Variants in SCHIP1 observed in about 807,000 individuals in gnomAD.
SCHIP1 encodes the protein schwannomin-interacting protein 1.
SCHIP1 carries 8 observed loss-of-function variants against 29.7 expected under a neutral mutation model. That is an observed-to-expected ratio of 0.27 (90% confidence interval 0.16 to 0.49). The LOEUF (loss-of-function observed/expected upper bound fraction) is 0.49, where lower values mean the gene tolerates loss of function less well. Ranked by LOEUF, SCHIP1 falls within the 20% of genes least tolerant of loss-of-function variation. The probability of loss-of-function intolerance (pLI) is 0.99; values close to 1 mark genes in which losing one functional copy is unlikely to be tolerated. For synonymous variants in SCHIP1, 76 were observed against 94.9 expected (o/e 0.80, Z 1.16); for missense variants, 193 against 294.6 (o/e 0.66, Z 2.52).
At chr3:159,566,850 C>G in the SCHIP1 span, among the ~76,000 whole-genome samples, 3 of 152,192 alleles carry the variant, frequency 2.0e-5, no homozygotes, top group South Asian at 6.2e-4. Flanking sequence ...GATGTGTACC[C>G]AGGAAGTGGC....
chr3:159,623,540 T>G, the SCHIP1 span, among the ~76,000 whole-genome samples: 1 of 152,012 alleles, frequency 6.6e-6, no homozygotes, highest in Non-Finnish European at 1.5e-5. Context: ...GCAAGAGAAT[T>G]GCTTGAACCT....
chr3:159,356,087 G>T, the SCHIP1 span, among the ~76,000 whole-genome samples: 1 of 152,146 alleles, frequency 6.6e-6, no homozygotes, highest in Admixed American at 6.5e-5. Flanking sequence ...CTAGTTTACA[G>T]TCCCACCAAT....
intron 2 of SCHIP1, among the ~76,000 whole-genome samples, chr3:159,878,545 G>A (rs1229438516): frequency 1.3e-5 from 2 of 151,486 alleles, no homozygotes; most frequent in Admixed American, 1.3e-4. Flanking sequence ...TTGGGAGGCC[G>A]AGGCGGGCGA....
chr3:159,531,496 A>G, the SCHIP1 span, among the ~76,000 whole-genome samples: 1 of 152,188 alleles, frequency 6.6e-6, no homozygotes, highest in African/African-American at 2.4e-5. Context: ...TCTTCATGAA[A>G]CTTAGTAAGA....
chr3:159,524,772 T>C, the SCHIP1 span, among the ~76,000 whole-genome samples: 4 of 152,310 alleles, frequency 2.6e-5, no homozygotes, highest in Non-Finnish European at 4.4e-5. Context: ...TGAAGAGACG[T>C]GCAGAATCCA....
the SCHIP1 span, among the ~76,000 whole-genome samples, chr3:159,297,805 G>A: frequency 5.3e-5 from 8 of 152,074 alleles, no homozygotes; most frequent in Admixed American, 5.2e-4. Context: ...TAGTAGCTGC[G>A]CCCTTATCCT....
At chr3:159,744,731 A>C in the SCHIP1 span, among the ~76,000 whole-genome samples, 1 of 152,184 alleles carries the variant, frequency 6.6e-6, no homozygotes. Flanking sequence ...TAATCCCAGC[A>C]CTTTGGGAGG....
At chr3:159,670,876 G>T in the SCHIP1 span, among the ~76,000 whole-genome samples, 2 of 151,788 alleles carry the variant, frequency 1.3e-5, no homozygotes, top group Non-Finnish European at 1.5e-5. Flanking sequence ...TCTGTGGGTG[G>T]GTGGGTGTGT....
chr3:159,489,740 G>T, the SCHIP1 span, among the ~76,000 whole-genome samples: 2 of 152,044 alleles, frequency 1.3e-5, no homozygotes, highest in Non-Finnish European at 2.9e-5. Context: ...ATTAAATATG[G>T]TTAAATTATA....
the SCHIP1 span, among the ~76,000 whole-genome samples, chr3:159,590,942 A>G: frequency 6.6e-6 from 1 of 152,120 alleles, no homozygotes; most frequent in Non-Finnish European, 1.5e-5. Context: ...TGATGTCTTC[A>G]ATATGAATTT....
the SCHIP1 span, among the ~76,000 whole-genome samples, chr3:159,708,718 A>T: frequency 2.0e-5 from 3 of 152,204 alleles, no homozygotes; most frequent in Admixed American, 6.5e-5. Flanking sequence ...GTACGCAGGA[A>T]CTAGCAAGCA....
the SCHIP1 span, among the ~76,000 whole-genome samples, chr3:159,620,742 G>A: frequency 6.6e-6 from 1 of 152,328 alleles, no homozygotes; most frequent in East Asian, 1.9e-4. Flanking sequence ...GGCATGTGGT[G>A]CCTGTGTTTG....
the SCHIP1 span, among the ~76,000 whole-genome samples, chr3:159,690,299 C>T: frequency 6.6e-6 from 1 of 152,220 alleles, no homozygotes; most frequent in African/African-American, 2.4e-5. Context: ...TTCATGGATT[C>T]GAATTCTTCC....
At chr3:159,614,438 T>C in the SCHIP1 span, among the ~76,000 whole-genome samples, 7 of 152,318 alleles carry the variant, frequency 4.6e-5, no homozygotes, top group South Asian at 1.5e-3. Flanking sequence ...ACCTTAAGAA[T>C]TCTAGGTTAA....
At chr3:159,660,199 C>T in the SCHIP1 span, among the ~76,000 whole-genome samples, 8 of 151,988 alleles carry the variant, frequency 5.3e-5, no homozygotes, top group Admixed American at 4.6e-4. Context: ...AGTGCCCTCT[C>T]TCCTTATCTC....
chr3:159,309,692 T>G, the SCHIP1 span, among the ~76,000 whole-genome samples: 1 of 152,166 alleles, frequency 6.6e-6, no homozygotes, highest in Non-Finnish European at 1.5e-5. Context: ...AAAGATGAAT[T>G]AAAGATGCCT....
chr3:159,821,559 GC>G, the SCHIP1 span, among the ~76,000 whole-genome samples: 1 of 152,134 alleles, frequency 6.6e-6, no homozygotes, highest in Non-Finnish European at 1.5e-5. Flanking sequence ...TAAATTTAAT[GC>G]CTTTCCATCT....
At chr3:159,631,066 C>A in the SCHIP1 span, among the ~76,000 whole-genome samples, 2 of 151,512 alleles carry the variant, frequency 1.3e-5, no homozygotes, top group African/African-American at 4.9e-5. Context: ...GAAATAAGTA[C>A]ATGAAAAGGT....
chr3:159,457,895 C>T, the SCHIP1 span, among the ~76,000 whole-genome samples: 1,378 of 152,254 alleles, frequency 9.1e-3, 25 homozygotes, highest in African/African-American at 0.032. Context: ...CTTCTCTACT[C>T]ATGCAGTTTT....
Sources: gnomAD v4.1 joint callset for allele counts (sites outside exome capture counted in the v4.1 genomes callset) on GRCh38, gnomAD v4.1.1 for gene constraint, MANE v1.5 for transcripts, NCBI Gene and HGNC (gene_info 2026-07-23, HGNC 2026-07-21) for gene names.